BBS9: variants seen among roughly 807,000 people sequenced by gnomAD.
BBS9 encodes the protein Bardet-Biedl syndrome 9.
BBS9 carries 89 observed loss-of-function variants against 117.7 expected under a neutral mutation model. The ratio of observed to expected loss-of-function variants is 0.76; its 90% CI spans 0.64 to 0.90. BBS9 has a LOEUF of 0.90. Ranked by LOEUF, BBS9 falls within the 40% of genes least tolerant of loss-of-function variation. The probability of loss-of-function intolerance (pLI) is 0.00; values close to 1 mark genes in which losing one functional copy is unlikely to be tolerated. For synonymous variants in BBS9, 379 were observed against 370.9 expected (o/e 1.02, Z -0.25); for missense variants, 982 against 1,042.2 (o/e 0.94, Z 0.80).
intron 17 of BBS9, among the ~76,000 whole-genome samples, chr7:33,381,864 G>A (rs1043169361): frequency 1.3e-5 from 2 of 152,182 alleles, no homozygotes; most frequent in African/African-American, 4.8e-5. Flanking sequence ...GAAAGGGAAT[G>A]ACTAGGGATG....
chr7:33,221,600 T>A (rs971646443), intron 5 of BBS9, among the ~76,000 whole-genome samples: 1 of 152,144 alleles, frequency 6.6e-6, no homozygotes, highest in Non-Finnish European at 1.5e-5. Flanking sequence ...TAGGCAGAAA[T>A]GATAAAGTGT....
intron 20 of BBS9, among the ~76,000 whole-genome samples, chr7:33,517,372 A>T (rs1847949995): frequency 6.6e-6 from 1 of 152,136 alleles, no homozygotes; most frequent in Non-Finnish European, 1.5e-5. Context: ...CAACACCTGC[A>T]GTTTTTTGCC....
At chr7:33,518,696 G>GT (rs949290928) in intron 20 of BBS9, among the ~76,000 whole-genome samples, 2 of 152,106 alleles carry the variant, frequency 1.3e-5, no homozygotes, top group Non-Finnish European at 2.9e-5. Context: ...ATAAATGACT[G>GT]TATAGACTCA....
chr7:33,204,679 A>C (rs1786573063), intron 5 of BBS9, among the ~76,000 whole-genome samples: 2 of 152,156 alleles, frequency 1.3e-5, no homozygotes, highest in African/African-American at 4.8e-5. Flanking sequence ...CCTTATTGTC[A>C]TGGGGTAATA....
At chr7:33,436,636 C>T (rs1563174718) in intron 19 of BBS9, among the ~76,000 whole-genome samples, 1 of 152,158 alleles carries the variant, frequency 6.6e-6, no homozygotes, top group Non-Finnish European at 1.5e-5. Flanking sequence ...TGGTAACTCC[C>T]TTTGAAGTCA....
intron 21 of BBS9, among the ~76,000 whole-genome samples, chr7:33,599,776 A>G (rs1209576439): frequency 1.3e-5 from 2 of 152,350 alleles, no homozygotes; most frequent in South Asian, 2.1e-4. Context: ...ATAGGGCTCA[A>G]TAATAAAACT....
intron 19 of BBS9, among the ~76,000 whole-genome samples, chr7:33,398,729 T>C (rs1457455554): frequency 6.6e-6 from 1 of 152,192 alleles, no homozygotes; most frequent in African/African-American, 2.4e-5. Context: ...TAACCATGTA[T>C]TTTATTTAAT....
chr7:33,206,086 T>C (rs2128218738), intron 5 of BBS9, among the ~76,000 whole-genome samples: 1 of 152,308 alleles, frequency 6.6e-6, no homozygotes, highest in South Asian at 2.1e-4. Context: ...TTCATTTTTT[T>C]CCCCTGGCAG....
intron 7 of BBS9, among the ~76,000 whole-genome samples, chr7:33,272,162 T>G (rs922626807): frequency 3.3e-5 from 5 of 152,172 alleles, no homozygotes; most frequent in African/African-American, 1.2e-4. Flanking sequence ...ATATCACATG[T>G]TCTCACTTAA....
chr7:33,554,841 T>C (rs1285082590), intron 21 of BBS9, among the ~76,000 whole-genome samples: 1 of 151,978 alleles, frequency 6.6e-6, no homozygotes, highest in Non-Finnish European at 1.5e-5. Context: ...CCTTCCAACA[T>C]CTAGAGGTCA....
chr7:33,311,633 A>C (rs1809248101), intron 9 of BBS9, among the ~76,000 whole-genome samples: 1 of 152,160 alleles, frequency 6.6e-6, no homozygotes, highest in South Asian at 2.1e-4. Context: ...CCTGGCCAAC[A>C]TGAGAAAACC....
chr7:33,575,203 G>C (rs1585320968), intron 21 of BBS9, among the ~76,000 whole-genome samples: 1 of 152,106 alleles, frequency 6.6e-6, no homozygotes. Context: ...CATGCTCTTG[G>C]CTGGCCCAGT....
chr7:33,313,068 C>CGT (rs1809657644), intron 9 of BBS9, among the ~76,000 whole-genome samples: 1 of 148,700 alleles, frequency 6.7e-6, no homozygotes, highest in African/African-American at 2.5e-5. Flanking sequence ...TGTGTGTGCG[C>CGT]GCACAGGCAC....
In BBS9 at chr7:33,387,871, C is replaced by T. The variant is rs945884655; in HGVS notation, c.1963-121C>T. ...TACCACATTGTTTTAATTCCCTTAA[C>T]TCTATAATGCATTTAAATTTCTTCA... On this transcript the variant is annotated intron_variant, in intron 18 of 22. Transcript: ENST00000242067. 38 of 1,114,722 alleles carry T rather than the reference C, an allele frequency of 3.4e-5. No individual in the cohort carries two copies. The African/African-American group carries it at 3.4e-4, about 10-fold the overall frequency. 69.1% of individuals were successfully genotyped at this position (1,114,722 alleles called of 1,614,324 possible).
intron 20 of BBS9, among the ~76,000 whole-genome samples, chr7:33,509,017 A>G (rs372114766): frequency 2.6e-5 from 4 of 152,186 alleles, no homozygotes; most frequent in East Asian, 3.8e-4. Context: ...CCCCCAAAAC[A>G]TGTAGAAGAA....
intron 2 of BBS9, among the ~76,000 whole-genome samples, chr7:33,147,134 A>G (rs1265995208): frequency 6.6e-6 from 1 of 152,208 alleles, no homozygotes; most frequent in African/African-American, 2.4e-5. Flanking sequence ...TTATAATACT[A>G]AAACCTACAT....
intron 19 of BBS9, among the ~76,000 whole-genome samples, chr7:33,404,162 G>A (rs1354449113): frequency 6.6e-6 from 1 of 151,986 alleles, no homozygotes; most frequent in African/African-American, 2.4e-5. Context: ...GTAGATATGC[G>A]GCGTTATTTC....
chr7:33,336,129 G>A (rs1203095816), intron 9 of BBS9, among the ~76,000 whole-genome samples: 1 of 152,120 alleles, frequency 6.6e-6, no homozygotes, highest in African/African-American at 2.4e-5. Flanking sequence ...TAGCTGGAAG[G>A]AGGATTAAAA....
chr7:33,297,114 C>G (rs1253769360), intron 9 of BBS9, among the ~76,000 whole-genome samples: 1 of 151,994 alleles, frequency 6.6e-6, no homozygotes, highest in East Asian at 1.9e-4. Context: ...GAAAACAAGC[C>G]GGAGTAAAAG....
Sources: allele counts gnomAD v4.1 joint callset (sites outside exome capture counted in the v4.1 genomes callset), GRCh38; gene constraint gnomAD v4.1.1; transcripts MANE v1.5; gene names NCBI Gene and HGNC (gene_info 2026-07-23, HGNC 2026-07-21).